The following MCU variants were observed in gnomAD, a reference collection of about 807,000 sequenced individuals.
MCU encodes mitochondrial calcium uniporter.
In MCU, 12 loss-of-function variants were observed where a neutral mutation model predicts 45.2. The ratio of observed to expected loss-of-function variants is 0.27; its 90% CI spans 0.17 to 0.43. MCU has a LOEUF of 0.43. Ranked by LOEUF, MCU falls within the 20% of genes least tolerant of loss-of-function variation. MCU has a pLI of 1.00. For synonymous variants in MCU, 160 were observed against 165.1 expected, an observed-to-expected ratio of 0.97 and a Z score of 0.24; for missense variants, 324 against 436.7, an observed-to-expected ratio of 0.74 and a Z score of 2.30.
chr10:72,750,245 A>G (rs1051133773), intron 1 of MCU, among the ~76,000 whole-genome samples: 1 of 152,174 alleles, frequency 6.6e-6, no homozygotes, highest in African/African-American at 2.4e-5. Flanking sequence ...TAAGAGGGAA[A>G]AGGTAAATAA....
In MCU at chr10:72,760,398, T is replaced by G. The variant is rs116592446; in HGVS notation, c.150+68097T>G. On this transcript the variant is annotated intron_variant, in intron 1 of 7. Coordinates refer to ENST00000373053, the MANE Select transcript of MCU (RefSeq NM_138357.3). ...AGAAATGGTTCCCTGAAAAACCAGG[T>G]TATAATGCTCAAAAGTCACACTTTA... 5.3e-3 allele frequency among the ~76,000 whole-genome samples: 800 copies of G among 152,166 alleles called. 4 individuals are homozygous for G. The highest frequency in any genetic ancestry group is 0.018 in the African/African-American group (762 of 41,524).
At chr10:72,800,367 T>A (rs1290164364) in intron 1 of MCU, among the ~76,000 whole-genome samples, 1 of 152,230 alleles carries the variant, frequency 6.6e-6, no homozygotes, top group African/African-American at 2.4e-5. Context: ...TAAATGAATT[T>A]TGTGTTTAGA....
At chr10:72,841,472 A>G (rs578180076) in intron 2 of MCU, among the ~76,000 whole-genome samples, 3 of 152,102 alleles carry the variant, frequency 2.0e-5, no homozygotes, top group South Asian at 4.2e-4. Flanking sequence ...TAATTCTTGT[A>G]TTTTTATTAG....
intron 1 of MCU, among the ~76,000 whole-genome samples, chr10:72,765,574 G>C (rs995870400): frequency 6.6e-6 from 1 of 151,950 alleles, no homozygotes. Context: ...CAGGAAGATA[G>C]CTTGTGCCCA....
chr10:72,759,075 C>T (rs1843617790), intron 1 of MCU, among the ~76,000 whole-genome samples: 1 of 152,104 alleles, frequency 6.6e-6, no homozygotes, highest in Non-Finnish European at 1.5e-5. Flanking sequence ...GGTAATAGTA[C>T]TTCTGTTCAT....
chr10:72,835,437 T>A (rs890330896), intron 2 of MCU, among the ~76,000 whole-genome samples: 1 of 152,222 alleles, frequency 6.6e-6, no homozygotes, highest in African/African-American at 2.4e-5. Flanking sequence ...TTAGAAACAT[T>A]AATTCGTAAG....
At chr10:72,719,937 G>A (rs778054818) in intron 1 of MCU, among the ~76,000 whole-genome samples, 4 of 152,238 alleles carry the variant, frequency 2.6e-5, no homozygotes, top group Non-Finnish European at 2.9e-5. Context: ...GAGTCTTGCC[G>A]TGTGGCACAG....
chr10:72,692,862 T>G, intron 1 of MCU: 2 of 1,436,426 alleles, frequency 1.4e-6, no homozygotes, highest in Non-Finnish European at 1.8e-6. Flanking sequence ...AATCAAACTT[T>G]ATTCCCCTCT....
At chr10:72,846,681 A>T (rs183922644) in intron 2 of MCU, among the ~76,000 whole-genome samples, 56 of 152,082 alleles carry the variant, frequency 3.7e-4, no homozygotes, top group African/African-American at 1.1e-3. Flanking sequence ...ACTTAAAAAA[A>T]TTTTTTTTCT....
chr10:72,878,625 A>C lies in MCU; in HGVS notation c.862-5641A>C, dbSNP rs1845653120. On this transcript the variant is annotated intron_variant, in intron 6 of 7. Transcript: ENST00000373053. ...GCAGATAACTTGATTTTTTGTTTAA[A>C]GAACCCATTGAAAAATTTTAGAAGT... Among the ~76,000 whole-genome samples the C allele has an allele frequency of 3.3e-5, 5 of 152,332 alleles. No homozygotes were observed. In the South Asian group the frequency reaches 1.0e-3, roughly 32 times the overall value.
intron 1 of MCU, among the ~76,000 whole-genome samples, chr10:72,807,508 G>A (rs367543635): frequency 2.8e-4 from 43 of 152,106 alleles, no homozygotes; most frequent in Non-Finnish European, 5.4e-4. Context: ...AGAAAAGGAG[G>A]CCAGTCATCA....
chr10:72,696,161 C>CAAA (rs58694098), intron 1 of MCU, among the ~76,000 whole-genome samples: 6 of 30,594 alleles, frequency 2.0e-4, no homozygotes, highest in African/African-American at 6.7e-4. Context: ...AACTCCGACT[C>CAAA]AAAAAAAAAA....
intron 1 of MCU, among the ~76,000 whole-genome samples, chr10:72,761,660 A>G (rs891779285): frequency 1.3e-5 from 2 of 152,182 alleles, no homozygotes; most frequent in East Asian, 1.9e-4. Flanking sequence ...TTTTAAAAGT[A>G]TTTTTTAATT....
At chr10:72,804,844 T>C (rs1013785421) in intron 1 of MCU, among the ~76,000 whole-genome samples, 2 of 152,242 alleles carry the variant, frequency 1.3e-5, no homozygotes, top group Non-Finnish European at 1.5e-5. Context: ...TGATCACAGC[T>C]CACTGCAGCC....
chr10:72,711,076 G>A (rs535363795), intron 1 of MCU, among the ~76,000 whole-genome samples: 8 of 152,032 alleles, frequency 5.3e-5, no homozygotes, highest in African/African-American at 1.7e-4. Context: ...CTACTTGGGA[G>A]GCTGAGGCAG....
intron 5 of MCU, among the ~76,000 whole-genome samples, chr10:72,869,557 C>T (rs907068538): frequency 3.9e-5 from 6 of 152,204 alleles, no homozygotes; most frequent in African/African-American, 1.4e-4. Flanking sequence ...CACTGCACTC[C>T]AGCCTGGACG....
At chr10:72,698,827 G>A (rs372615629) in intron 1 of MCU, among the ~76,000 whole-genome samples, 1 of 151,408 alleles carries the variant, frequency 6.6e-6, no homozygotes, top group Non-Finnish European at 1.5e-5. Context: ...TTTTTGAGAC[G>A]AGGTCTTACT....
intron 1 of MCU, among the ~76,000 whole-genome samples, chr10:72,812,820 G>A (rs1589474922): frequency 1.3e-5 from 2 of 152,242 alleles, no homozygotes; most frequent in African/African-American, 2.4e-5. Flanking sequence ...TATGTTGTCC[G>A]GTTTTTAGTG....
At chr10:72,837,139 A>T (rs1844966717) in intron 2 of MCU, among the ~76,000 whole-genome samples, 1 of 152,100 alleles carries the variant, frequency 6.6e-6, no homozygotes, top group Non-Finnish European at 1.5e-5. Flanking sequence ...ATAATAAAAT[A>T]TGTAGATTAT....
Sources: allele counts gnomAD v4.1 joint callset (sites outside exome capture counted in the v4.1 genomes callset), GRCh38; gene constraint gnomAD v4.1.1; transcripts MANE v1.5; gene names NCBI Gene and HGNC (gene_info 2026-07-23, HGNC 2026-07-21).